The following RNF122 variants were observed in gnomAD, a reference collection of about 807,000 sequenced individuals.
RNF122 encodes the protein ring finger protein 122.
In RNF122, 17 loss-of-function variants were observed where a neutral mutation model predicts 24.2. That is an observed-to-expected ratio of 0.70 (90% CI 0.48 to 1.06). The LOEUF is 1.06. Ranked by LOEUF, RNF122 falls within the 50% of genes least tolerant of loss-of-function variation. RNF122 has a pLI of 0.00. For missense variants in RNF122, 168 were observed against 198.1 expected, an observed-to-expected ratio of 0.85 and a Z score of 0.91; for synonymous variants, 65 against 71.8, an observed-to-expected ratio of 0.91 and a Z score of 0.48.
chr8:33,552,148 G>A (rs2128838629), intron 2 of RNF122, among the ~76,000 whole-genome samples: 1 of 152,306 alleles, frequency 6.6e-6, no homozygotes, highest in South Asian at 2.1e-4. Flanking sequence ...GGTGGCTCAT[G>A]CCTGTAATCC....
chr8:33,557,985 A>G (rs190032857), intron 2 of RNF122, among the ~76,000 whole-genome samples: 1 of 152,272 alleles, frequency 6.6e-6, no homozygotes, highest in East Asian at 1.9e-4. Context: ...TCTACTAAAA[A>G]TACAAAAACT....
intron 2 of RNF122, among the ~76,000 whole-genome samples, chr8:33,557,542 C>T (rs1030884115): frequency 2.3e-4 from 35 of 151,364 alleles, no homozygotes; most frequent in African/African-American, 8.5e-4. Flanking sequence ...GCAGGACAAT[C>T]GCTTTAACCT....
At chr8:33,564,814 G>A (rs1429587818) in intron 1 of RNF122, among the ~76,000 whole-genome samples, 12 of 151,946 alleles carry the variant, frequency 7.9e-5, no homozygotes, top group African/African-American at 2.9e-4. Flanking sequence ...GGAGGTTGTG[G>A]TGAGCCGAGA....
chr8:33,562,896 CT>C (rs1810559847), intron 1 of RNF122, among the ~76,000 whole-genome samples: 1 of 152,038 alleles, frequency 6.6e-6, no homozygotes, highest in African/African-American at 2.4e-5. Flanking sequence ...GCACTCTAGC[CT>C]GGGCAACAGA....
chr8:33,564,804 G>A (rs1047347068), intron 1 of RNF122, among the ~76,000 whole-genome samples: 4 of 151,198 alleles, frequency 2.6e-5, no homozygotes, highest in African/African-American at 7.3e-5. Flanking sequence ...CCCGGGAGGC[G>A]GAGGTTGTGG....
chr8:33,551,987 A>G (rs1810382953), intron 2 of RNF122, among the ~76,000 whole-genome samples: 1 of 152,252 alleles, frequency 6.6e-6, no homozygotes, highest in Admixed American at 6.5e-5. Flanking sequence ...TGCCGTTACT[A>G]ATGGCAATAG....
chr8:33,561,538 C>T (rs868754364), intron 1 of RNF122, among the ~76,000 whole-genome samples: 1 of 151,654 alleles, frequency 6.6e-6, no homozygotes, highest in Non-Finnish European at 1.5e-5. Context: ...CTCCTAGTTG[C>T]CTTTTTTTTT....
intron 2 of RNF122, among the ~76,000 whole-genome samples, chr8:33,557,861 G>A (rs540283539): frequency 6.6e-5 from 10 of 152,132 alleles, no homozygotes; most frequent in Admixed American, 2.0e-4. Context: ...AAGTAGCTCC[G>A]CCCGGGTGTG....
rs775524296 is a variant in RNF122 at position 33,558,676 on chromosome 8, T to C, written c.121A>G (p.Ile41Val). The C allele has an allele frequency of 6.2e-7, 1 of 1,611,968 alleles. No individual in the cohort carries two copies. Among genetic ancestry groups the C allele is most frequent in the East Asian group, 2.2e-5 (1 of 44,868 alleles). ...AAGACAAAGATGCCTGTGCCGAAGA[T>C]GACCATATAGATGTTGAGCGGAAGG... The part of the protein sequence containing the change: ...QDLPLNIYMV[I>V]FGTGIFVFML... The change falls in exon 2 of 6, where the codon ATC (isoleucine) becomes GTC (valine). Residue 41 changes from isoleucine (I) to valine (V), a missense_variant. Physicochemically the swap from Ile to Val is conservative, Grantham distance 29. Coordinates refer to ENST00000256257, the MANE Select transcript of RNF122 (RefSeq NM_024787.3).
chr8:33,551,517 G>A (rs376053230), intron 2 of RNF122, 128 bp from the exon 3 acceptor site: 1 of 862,512 alleles, frequency 1.2e-6, no homozygotes. Context: ...CACACCACAG[G>A]GCATACTTTG....
intron 5 of RNF122, among the ~76,000 whole-genome samples, 190 bp from the exon 6 acceptor site, chr8:33,549,057 C>T (rs973819691): frequency 4.6e-5 from 7 of 151,994 alleles, no homozygotes; most frequent in African/African-American, 1.5e-4. Context: ...CCCATCTATA[C>T]TAAAAATACA....
rs907809657 is a variant in RNF122 at position 33,566,823 on chromosome 8, T to G, written c.-100A>C. 1 of 1,338,916 alleles carries G rather than the reference T, an allele frequency of 7.5e-7. No homozygotes were observed. Among genetic ancestry groups the G allele is most frequent in the Non-Finnish European group, 1.0e-6 (1 of 956,280 alleles). The allele number at this position is 1,338,916 out of a possible 1,614,324, so 82.9% of individuals were successfully genotyped here. Reference sequence around the variant, plus strand: ...GCGGCGTGAGGGGCCGCAGGCGGGGTCGGGGCAGCGCGCTGCAGCCGCCCT... The same window carrying G: ...GCGGCGTGAGGGGCCGCAGGCGGGGGCGGGGCAGCGCGCTGCAGCCGCCCT... On this transcript the variant is annotated 5_prime_UTR_variant, in exon 1 of 6. Coordinates refer to ENST00000256257, the MANE Select transcript of RNF122 (RefSeq NM_024787.3).
At chr8:33,559,132 C>G (rs1810500678) in intron 1 of RNF122, among the ~76,000 whole-genome samples, 1 of 151,504 alleles carries the variant, frequency 6.6e-6, no homozygotes. Flanking sequence ...GACCCCATCT[C>G]TAAAAAAAAA....
intron 1 of RNF122, among the ~76,000 whole-genome samples, chr8:33,560,535 C>T (rs1276614112): frequency 6.6e-5 from 10 of 151,700 alleles, no homozygotes; most frequent in Admixed American, 4.6e-4. Flanking sequence ...CCACTGCACC[C>T]GGCAGGTTCT....
chr8:33,565,333 C>T (rs1810606123), intron 1 of RNF122, among the ~76,000 whole-genome samples: 1 of 152,086 alleles, frequency 6.6e-6, no homozygotes, highest in Non-Finnish European at 1.5e-5. Context: ...AACAAAGCCT[C>T]TTGACATAAT....
intron 2 of RNF122, among the ~76,000 whole-genome samples, chr8:33,554,599 C>A (rs1318132656): frequency 6.6e-6 from 1 of 152,188 alleles, no homozygotes; most frequent in African/African-American, 2.4e-5. Context: ...AAAGCAAAAA[C>A]CCTGGGCAAT....
chr8:33,555,536 G>T (rs1750264771), intron 2 of RNF122, among the ~76,000 whole-genome samples: 1 of 152,190 alleles, frequency 6.6e-6, no homozygotes, highest in Admixed American at 6.5e-5. Flanking sequence ...CAAAGAAAAA[G>T]AAATCAGCAA....
At position 33,558,736 on chromosome 8, in the gene RNF122, T is replaced by C; in HGVS notation, c.61A>G (p.Lys21Glu). 4 of 1,609,306 alleles carry C rather than the reference T, an allele frequency of 2.5e-6. No individual in the cohort carries two copies. Among genetic ancestry groups the C allele is most frequent in the Non-Finnish European group, 3.4e-6 (4 of 1,176,906 alleles). Residue 21 changes from lysine to glutamate, a missense_variant, in exon 2 of 6, where the codon AAG becomes GAG. Lys to Glu is a moderately conservative substitution (Grantham distance 56). Coordinates refer to ENST00000256257, the MANE Select transcript of RNF122 (RefSeq NM_024787.3). ...FCGLGLVSTN[K>E]SCSMPPISFQ... is the part of the protein sequence containing the mutation. Reference sequence around the variant, plus strand: ...CTGATGGGTGGCATCGAGCAGGACTTGTTGGTGCTAACCAGTCCCAGGCCA... The same window carrying C: ...CTGATGGGTGGCATCGAGCAGGACTCGTTGGTGCTAACCAGTCCCAGGCCA...
Position 33,549,394 on chromosome 8 carries a change from A to G in RNF122, c.353+16T>C. On this transcript the variant is annotated intron_variant, in intron 5 of 5. Transcript: ENST00000256257. Reference sequence around the variant, plus strand: ...ATTTCTCCTTCGACGGGCACCCTGGACACATTCCCACGTACTTGCGGTGAA... The same window carrying G: ...ATTTCTCCTTCGACGGGCACCCTGGGCACATTCCCACGTACTTGCGGTGAA... 6.2e-7 allele frequency: 1 copy of G among 1,607,180 alleles called. No individual in the cohort carries two copies. Among genetic ancestry groups the G allele is most frequent in the Non-Finnish European group, 8.5e-7 (1 of 1,173,622 alleles).
Sources: gnomAD v4.1 joint callset for allele counts (sites outside exome capture counted in the v4.1 genomes callset) on GRCh38, gnomAD v4.1.1 for gene constraint, MANE v1.5 for transcripts, NCBI Gene and HGNC (gene_info 2026-07-23, HGNC 2026-07-21) for gene names.